Variants in SCN1B observed in about 807,000 individuals in gnomAD.
SCN1B encodes sodium channel regulatory subunit beta-1.
In SCN1B, 11 loss-of-function variants were observed where a neutral mutation model predicts 25.7. That is an observed-to-expected ratio of 0.43 (90% confidence interval 0.27 to 0.71). The LOEUF (loss-of-function observed/expected upper bound fraction) is 0.71. Ranked by LOEUF, SCN1B falls within the 30% of genes least tolerant of loss-of-function variation. The pLI, the probability that SCN1B is intolerant of heterozygous loss-of-function variation, is 0.21. For synonymous variants in SCN1B, 119 were observed against 117.5 expected, an observed-to-expected ratio of 1.01 and a Z score of -0.08; for missense variants, 224 against 291.5, an observed-to-expected ratio of 0.77 and a Z score of 1.69.
chr19:35,039,582 G>A (rs2064272092), intron 4 of SCN1B, 53 bp from the exon 5 acceptor site: 3 of 1,581,400 alleles, frequency 1.9e-6, no homozygotes, highest in Non-Finnish European at 2.6e-6. Flanking sequence ...ATCCCCCGGG[G>A]GTTGGGTCGG....
Position 35,030,593 on chromosome 19 carries a change from C to G in SCN1B, c.-228C>G, listed in dbSNP as rs2064206438. ...GCAGCAGCCCGAGCAGCGGCCGCCGCCCGCGCGGCGGGGATGCCCGGACGC... is the reference window on the plus strand; with the variant it reads ...GCAGCAGCCCGAGCAGCGGCCGCCGGCCGCGCGGCGGGGATGCCCGGACGC... On this transcript the variant is annotated 5_prime_UTR_variant, in exon 1 of 6. Coordinates refer to ENST00000262631, the MANE Select transcript of SCN1B (RefSeq NM_001037.5). 1 of 151,830 alleles carries G rather than the reference C, an allele frequency of 6.6e-6. No individual in the cohort carries two copies. Among genetic ancestry groups the G allele is most frequent in the Admixed American group, 6.7e-5 (1 of 14,982 alleles). 9.4% of individuals were successfully genotyped at this position (151,830 alleles called of 1,614,324 possible). A position where few individuals can be genotyped will look rare whatever the true frequency, so the allele number is the denominator to read the frequency against.
At chr19:35,037,424 A>C (rs58392252) in intron 3 of SCN1B, 26,565 of 152,096 alleles carry the variant, frequency 0.17, 2,372 homozygotes, top group African/African-American at 0.21. Flanking sequence ...ATGCCGTGTT[A>C]CCTAAATCCA....
In SCN1B at chr19:35,039,181, C is replaced by G; in HGVS notation, c.513C>G (p.Thr171=). Reference sequence around the variant, plus strand: ...TGTATGTGCTCATTGTGGTGTTGACCATATGGCTCGTGGCAGAGATGATTT... The same window carrying G: ...TGTATGTGCTCATTGTGGTGTTGACGATATGGCTCGTGGCAGAGATGATTT... The part of the protein sequence containing the change: ...IMMYVLIVVL[T]IWLVAEMIYC... The change falls in exon 4 of 6, where the codon ACC becomes ACG. Residue 171 remains threonine (T), a synonymous_variant. Transcript: ENST00000262631. The G allele has an allele frequency of 6.2e-7, 1 of 1,614,184 alleles. No homozygotes were observed. The highest frequency in any genetic ancestry group is 8.5e-7 in the Non-Finnish European group (1 of 1,180,036).
chr19:35,031,090 G>A (rs1318262898), intron 1 of SCN1B, among the ~76,000 whole-genome samples: 1 of 151,788 alleles, frequency 6.6e-6, no homozygotes, highest in Non-Finnish European at 1.5e-5. Flanking sequence ...CAGCCTGGCG[G>A]CTGCAGGCGC....
intron 1 of SCN1B, 103 bp downstream of exon 1, chr19:35,030,963 C>T (rs2064209709): frequency 5.0e-6 from 1 of 200,668 alleles, no homozygotes; most frequent in South Asian, 1.7e-4. Context: ...GAGGGCCACC[C>T]CCGGCCCATC....
Position 35,030,769 on chromosome 19 carries a change from CG to C in SCN1B, c.-51del. ...CGCCAGGTCCCGCCGCCTCTCGCCC[CG>C]CTATTAATACCGGCGGCCCGGGAGG... On this transcript the variant is annotated 5_prime_UTR_variant, in exon 1 of 6. Transcript: ENST00000262631. 1 of 699,934 alleles carries C rather than the reference CG, an allele frequency of 1.4e-6. No individual in the cohort carries two copies. The highest frequency in any genetic ancestry group is 2.1e-6 in the Non-Finnish European group (1 of 482,782). 43.4% of individuals were successfully genotyped at this position (699,934 alleles called of 1,614,324 possible).
chr19:35,033,348 C>A (rs1419039678), intron 2 of SCN1B, 151 bp from the exon 3 acceptor site: 1 of 1,502,080 alleles, frequency 6.7e-7, no homozygotes. Flanking sequence ...TAGCCCCCCA[C>A]CCCTGTGCCC....
chr19:35,032,699 G>A lies in SCN1B; in HGVS notation c.207+5G>A, dbSNP rs2151746060. On this transcript the variant is annotated splice_donor_5th_base_variant and intron_variant, in intron 2 of 5. Transcript: ENST00000262631. This position sits in a 1 kb window ranked among gnomAD's most constrained non-coding sequence, Gnocchi z 4.3. ...GGCACTGAGGAGTTTGTCAAGGTGT[G>A]CGGGTGCCGGGAACGGGCATGGGAG... 6.2e-7 allele frequency: 1 copy of A among 1,613,650 alleles called. No homozygotes were observed. The highest frequency in any genetic ancestry group is 1.1e-5 in the South Asian group (1 of 91,086).
intron 3 of SCN1B, 75 bp from the exon 4 acceptor site, chr19:35,039,042 A>G: frequency 6.4e-7 from 1 of 1,563,518 alleles, no homozygotes; most frequent in Non-Finnish European, 8.8e-7. Context: ...ATCCAAGCTC[A>G]CACAGCAAGC....
At chr19:35,038,853 A>G (rs2064264299) in intron 3 of SCN1B, 1 of 510,532 alleles carries the variant, frequency 2.0e-6, no homozygotes, top group Admixed American at 3.0e-5. Context: ...TTTGAACCTG[A>G]GCCTTCTGGT....
intron 3 of SCN1B, 138 bp downstream of exon 3, chr19:35,033,877 G>A (rs868631043): frequency 1.2e-6 from 2 of 1,604,470 alleles, no homozygotes; most frequent in East Asian, 2.2e-5. Context: ...TGAGGGGGAG[G>A]GGAGCAGCCC....
chr19:35,039,034 C>T, intron 3 of SCN1B, 83 bp from the exon 4 acceptor site: 7 of 1,531,592 alleles, frequency 4.6e-6, no homozygotes, highest in Non-Finnish European at 6.3e-6. Flanking sequence ...AGCCACTCAT[C>T]CAAGCTCACA....
chr19:35,033,568 A>T lies in SCN1B; in HGVS notation c.277A>T (p.Asn93Tyr). The T allele has an allele frequency of 1.9e-6, 3 of 1,614,002 alleles. No homozygotes were observed. Among genetic ancestry groups the T allele is most frequent in the Non-Finnish European group, 2.5e-6 (3 of 1,179,946 alleles). ...DERFEGRVVW[N>Y]GSRGTKDLQD... ...GCGCTTCGAGGGCCGCGTGGTGTGG[A>T]ATGGCAGCCGGGGCACCAAAGACCT... The change falls in exon 3 of 6, where the codon AAT becomes TAT. Residue 93 changes from asparagine to tyrosine, a missense_variant. Asn to Tyr is a moderately radical substitution (Grantham distance 143, BLOSUM62 -2). Coordinates refer to ENST00000262631, the MANE Select transcript of SCN1B (RefSeq NM_001037.5).
intron 1 of SCN1B, chr19:35,031,351 GA>G (rs1343905529): frequency 6.6e-6 from 1 of 151,444 alleles, no homozygotes; most frequent in African/African-American, 2.4e-5. Flanking sequence ...GAGACAGAGA[GA>G]GGGGTATTGG....
At chr19:35,034,143 G>C in intron 3 of SCN1B, 5 of 1,550,914 alleles carry the variant, frequency 3.2e-6, no homozygotes, top group Non-Finnish European at 4.4e-6. Flanking sequence ...GCAGCTGCAG[G>C]CACACGCCTG....
rs2064266970 is a variant in SCN1B, at chr19:35,039,142, G to T, written c.474G>T (p.Val158=). The change falls in exon 4 of 6, where the codon GTG becomes GTT. Residue 158 remains valine (V), a synonymous_variant. Transcript: ENST00000262631. ...CCAACAGAGACATGGCATCCATCGTGTCTGAGATCATGATGTATGTGCTCA... is the reference window on the plus strand; with the variant it reads ...CCAACAGAGACATGGCATCCATCGTTTCTGAGATCATGATGTATGTGCTCA... ...DKANRDMASI[V]SEIMMYVLIV... is the part of the protein sequence containing the mutation. 2.5e-6 allele frequency: 4 copies of T among 1,614,218 alleles called. No homozygotes were observed. Among genetic ancestry groups the T allele is most frequent in the Non-Finnish European group, 3.4e-6 (4 of 1,180,036 alleles).
In SCN1B at chr19:35,039,981, T is replaced by G; in HGVS notation, c.*190T>G. ...CCCCACTTTCGCCTCCTCCAGCTCC[T>G]GCCCCGCCGGCCGCGCACCGCCATG... On this transcript the variant is annotated 3_prime_UTR_variant, in exon 6 of 6. Transcript: ENST00000262631. The G allele has an allele frequency of 1.0e-5, 5 of 488,666 alleles. No homozygotes were observed. Among genetic ancestry groups the G allele is most frequent in the Non-Finnish European group, 1.5e-5 (4 of 266,022 alleles). 30.3% of individuals were successfully genotyped at this position (488,666 alleles called of 1,614,324 possible).
intron 1 of SCN1B, chr19:35,031,373 A>C (rs1263033778): frequency 6.6e-6 from 1 of 151,486 alleles, no homozygotes; most frequent in Non-Finnish European, 1.5e-5. Flanking sequence ...AGAGAGAGAG[A>C]GAGAGAGAGA....
Position 35,030,676 on chromosome 19 carries a change from C to A in SCN1B, c.-145C>A. On this transcript the variant is annotated 5_prime_UTR_variant, in exon 1 of 6. Transcript: ENST00000262631. ...GGAGCGGGGGGGCCGCGCCCCCCCT[C>A]CTCCCCCCTCGCCGGTCCCAGAGCC... 1 of 191,106 alleles carries A rather than the reference C, an allele frequency of 5.2e-6. No homozygotes were observed. The highest frequency in any genetic ancestry group is 2.4e-5 in the African/African-American group (1 of 41,774). 11.8% of individuals were successfully genotyped at this position (191,106 alleles called of 1,614,324 possible).
Sources: gnomAD v4.1 joint callset for allele counts (sites outside exome capture counted in the v4.1 genomes callset) on GRCh38, gnomAD v4.1.1 for gene constraint, Gnocchi (gnomAD v3.1) non-coding constraint, MANE v1.5 for transcripts, NCBI Gene and HGNC (gene_info 2026-07-23, HGNC 2026-07-21) for gene names.